The following DIO1 variants were observed in gnomAD, a reference collection of about 807,000 sequenced individuals.
The protein encoded by DIO1 is iodothyronine deiodinase 1.
DIO1 carries 17 observed loss-of-function variants against 25.9 expected under a neutral mutation model. The ratio of observed to expected loss-of-function variants is 0.66; its 90% CI spans 0.45 to 0.98. DIO1 has a LOEUF of 0.98. Ranked by LOEUF, DIO1 falls within the 50% of genes least tolerant of loss-of-function variation. The pLI is 0.00. For missense variants in DIO1, 270 were observed against 310.4 expected, an observed-to-expected ratio of 0.87 and a Z score of 0.98; for synonymous variants, 115 against 114.0, an observed-to-expected ratio of 1.01 and a Z score of -0.05.
At chr1:53,898,832 A>G (rs1264307259) in intron 1 of DIO1, among the ~76,000 whole-genome samples, 2 of 152,134 alleles carry the variant, frequency 1.3e-5, no homozygotes, top group African/African-American at 4.8e-5. Flanking sequence ...CTTTGGGTAT[A>G]AACTCTGAAC....
At chr1:53,906,383 G>T in intron 3 of DIO1, 89 bp downstream of exon 3, 1 of 1,195,802 alleles carries the variant, frequency 8.4e-7, no homozygotes, top group Non-Finnish European at 1.2e-6. Flanking sequence ...AAGCAGAACT[G>T]GATTCAAATC....
intron 1 of DIO1, among the ~76,000 whole-genome samples, chr1:53,899,516 A>G (rs1219551031): frequency 6.6e-6 from 1 of 152,170 alleles, no homozygotes; most frequent in African/African-American, 2.4e-5. Context: ...TTTGCCCTCA[A>G]TACTGACCAC....
At chr1:53,903,739 C>T (rs1249264492) in intron 1 of DIO1, among the ~76,000 whole-genome samples, 1 of 151,836 alleles carries the variant, frequency 6.6e-6, no homozygotes, top group Non-Finnish European at 1.5e-5. Context: ...GTCCCAGCTA[C>T]TCAGGAGGCT....
intron 2 of DIO1, among the ~76,000 whole-genome samples, chr1:53,905,014 C>A (rs1651576542): frequency 6.6e-6 from 1 of 152,102 alleles, no homozygotes; most frequent in Non-Finnish European, 1.5e-5. Flanking sequence ...GTACAGAGAG[C>A]AGAACACCTG....
Position 53,894,402 on chromosome 1 carries a change from C to G in DIO1, c.192C>G (p.Thr64=). The change falls in exon 1 of 4, where the codon ACC becomes ACG. Residue 64 remains threonine (T), a synonymous_variant. Coordinates refer to ENST00000361921, the MANE Select transcript of DIO1 (RefSeq NM_000792.7). This position sits in a 1 kb window ranked among gnomAD's most constrained non-coding sequence, Gnocchi z 4.9. ...PHFSHDNWIP[T]FFSTQYFWFV... ...TCAGCCACGACAACTGGATACCAAC[C>G]TTTTTCAGCACCCAGTATTTCTGGT... 6.2e-7 allele frequency: 1 copy of G among 1,614,192 alleles called. No homozygotes were observed. The highest frequency in any genetic ancestry group is 8.5e-7 in the Non-Finnish European group (1 of 1,180,036).
At position 53,894,498 on chromosome 1, in the gene DIO1, G is replaced by A. The variant is rs35678003; in HGVS notation, c.288G>A (p.Pro96=). 1.6e-3 allele frequency: 2,534 copies of A among 1,614,150 alleles called. 37 individuals carry two copies. In the African/African-American group the frequency reaches 0.031, roughly 20 times the overall value. The change falls in exon 1 of 4, where the codon CCG becomes CCA. Residue 96 remains proline (P), a synonymous_variant. Transcript: ENST00000361921. This position sits in a 1 kb window ranked among gnomAD's most constrained non-coding sequence, Gnocchi z 4.9. The part of the protein sequence containing the change: ...TELGGLAPNC[P]VVRLSGQRCN... ...TAGGGGGTCTGGCCCCAAACTGCCC[G>A]GTGGTCCGCCTCTCAGGACAGAGGT...
chr1:53,907,490 T>G (rs1157171411), intron 3 of DIO1, among the ~76,000 whole-genome samples: 1 of 152,166 alleles, frequency 6.6e-6, no homozygotes, highest in African/African-American at 2.4e-5. Flanking sequence ...AGTAGAAGAA[T>G]GTGGGTCCTT....
intron 2 of DIO1, among the ~76,000 whole-genome samples, chr1:53,905,165 A>ACT (rs1651586810): frequency 1.7e-5 from 2 of 119,024 alleles, no homozygotes; most frequent in African/African-American, 6.4e-5. Context: ...CCTTATGGCT[A>ACT]TTTTTTTTTT....
At chr1:53,902,100 G>A (rs1163013724) in intron 1 of DIO1, among the ~76,000 whole-genome samples, 1 of 151,458 alleles carries the variant, frequency 6.6e-6, no homozygotes, top group Non-Finnish European at 1.5e-5. Flanking sequence ...TGGTTTTGTG[G>A]GGCCTTGAAC....
At chr1:53,897,036 A>G (rs1651113342) in intron 1 of DIO1, among the ~76,000 whole-genome samples, 1 of 152,240 alleles carries the variant, frequency 6.6e-6, no homozygotes, top group Non-Finnish European at 1.5e-5. Context: ...TGTGCCAAGC[A>G]CTGTAACAGA....
At chr1:53,896,772 T>G (rs145569422) in intron 1 of DIO1, among the ~76,000 whole-genome samples, 12 of 152,310 alleles carry the variant, frequency 7.9e-5, no homozygotes, top group East Asian at 3.9e-4. Flanking sequence ...ATAGAACTTT[T>G]GCCTGGAGGA....
chr1:53,909,274 G>A lies in DIO1; in HGVS notation c.682-657G>A, dbSNP rs147987801. ...CTACTAAAAATACAAAAATTAGCCA[G>A]GCGTGGTGGAGTGCACCCGTATTCC... On this transcript the variant is annotated intron_variant, in intron 3 of 3. Coordinates refer to ENST00000361921, the MANE Select transcript of DIO1 (RefSeq NM_000792.7). 2.3e-3 allele frequency among the ~76,000 whole-genome samples: 342 copies of A among 150,788 alleles called. 1 individual carries two copies. Among genetic ancestry groups the A allele is most frequent in the African/African-American group, 7.8e-3 (320 of 40,802 alleles).
Position 53,904,907 on chromosome 1 carries a change from A to G in DIO1, c.481+98A>G, listed in dbSNP as rs1486589197. ...CTCAAGGTTGGGAGGTGGAAGGAGG[A>G]AGAGGAGGGGAGAGGGAAAGAGCCA... On this transcript the variant is annotated intron_variant, in intron 2 of 3. Transcript: ENST00000361921. 12 of 1,379,346 alleles carry G rather than the reference A, an allele frequency of 8.7e-6. No homozygotes were observed. The East Asian group carries it at 1.2e-4, about 13-fold the overall frequency. The allele number at this position is 1,379,346 out of a possible 1,614,324, so 85.4% of individuals were successfully genotyped here.
chr1:53,903,674 C>A (rs545682442), intron 1 of DIO1, among the ~76,000 whole-genome samples: 7 of 151,738 alleles, frequency 4.6e-5, no homozygotes, highest in African/African-American at 1.5e-4. Flanking sequence ...CATAGTGAAA[C>A]CCCGTCTCTA....
intron 1 of DIO1, among the ~76,000 whole-genome samples, chr1:53,902,674 G>A (rs1486618731): frequency 6.6e-6 from 1 of 151,724 alleles, no homozygotes; most frequent in South Asian, 2.1e-4. Context: ...AACCACAGGA[G>A]GCCAGCTGCT....
chr1:53,904,738 A>G lies in DIO1; in HGVS notation c.410A>G (p.Lys137Arg). The G allele has an allele frequency of 6.2e-7, 1 of 1,613,946 alleles. No individual in the cohort carries two copies. The highest frequency in any genetic ancestry group is 1.1e-5 in the South Asian group (1 of 90,992). ...TTTATGTTCAAATTTGACCAGTTCA[A>G]GAGGCTTATTGAAGACTTTAGTTCC... ...PSFMFKFDQF[K>R]RLIEDFSSIA... Residue 137 changes from lysine to arginine, a missense_variant, in exon 2 of 4, where the codon AAG becomes AGG. By Grantham distance (26) the Lys-to-Arg change is conservative (BLOSUM62 2). Coordinates refer to ENST00000361921, the MANE Select transcript of DIO1 (RefSeq NM_000792.7).
chr1:53,905,452 G>A (rs1651607628), intron 2 of DIO1, among the ~76,000 whole-genome samples: 1 of 152,152 alleles, frequency 6.6e-6, no homozygotes, highest in Admixed American at 6.5e-5. Context: ...TGGAATTACA[G>A]TCGTGAGCCA....
chr1:53,897,376 T>G (rs1426281817), intron 1 of DIO1, among the ~76,000 whole-genome samples: 1 of 152,266 alleles, frequency 6.6e-6, no homozygotes, highest in East Asian at 1.9e-4. Context: ...CTCAGAAGGC[T>G]GAGGCATGAG....
intron 1 of DIO1, among the ~76,000 whole-genome samples, chr1:53,903,588 C>T (rs7515148): frequency 0.031 from 4,766 of 151,952 alleles, 131 homozygotes; most frequent in East Asian, 0.089. Context: ...GTGGCTCAGG[C>T]CTGTAATCGC....
Sources: allele counts gnomAD v4.1 joint callset (sites outside exome capture counted in the v4.1 genomes callset), GRCh38; gene constraint gnomAD v4.1.1; non-coding constraint Gnocchi (gnomAD v3.1); transcripts MANE v1.5; gene names NCBI Gene and HGNC (gene_info 2026-07-23, HGNC 2026-07-21).